BIRC6: variants seen among roughly 807,000 people sequenced by gnomAD.
The protein encoded by BIRC6 is baculoviral IAP repeat containing 6.
BIRC6 carries 98 observed loss-of-function variants against 503.3 expected under a neutral mutation model. That is an observed-to-expected ratio of 0.19 (90% CI 0.17 to 0.23). The LOEUF is 0.23. Among genes scored for constraint, BIRC6 ranks in the 10% least tolerant of loss-of-function variants. The probability of loss-of-function intolerance (pLI) is 1.00; values close to 1 mark genes in which losing one functional copy is unlikely to be tolerated. For missense variants in BIRC6, 5,360 were observed against 5,806.0 expected (o/e 0.92, Z 2.50); for synonymous variants, 2,240 against 2,078.7 (o/e 1.08, Z -2.11).
rs10528992 is a variant in BIRC6 at position 32,508,276 on chromosome 2, C to CTTTTTTTTTTTTTTTTTTTTTT, written c.9980+23_9980+44dup. 18 of 864,880 alleles carry CTTTTTTTTTTTTTTTTTTTTTT rather than the reference C, an allele frequency of 2.1e-5. No homozygotes were observed. The African/African-American group carries it at 4.6e-4, about 22-fold the overall frequency. The allele number at this position is 864,880 out of a possible 1,614,324, so 53.6% of individuals were successfully genotyped here. A position where few individuals can be genotyped will look rare whatever the true frequency, so the allele number is the denominator to read the frequency against. On this transcript the variant is annotated intron_variant, in intron 51 of 73. Coordinates refer to ENST00000421745, the MANE Select transcript of BIRC6 (RefSeq NM_016252.4). The stretch of plus-strand genomic sequence containing the variant: ...CAAAACAAGGTATGTTTTGTTTGTC[C>CTTTTTTTTTTTTTTTTTTTTTT]TTTTTTTTTTTTTTTTTTTTTTTTT...
At chr2:32,460,183 T>C (rs1017746575) in intron 23 of BIRC6, among the ~76,000 whole-genome samples, 4 of 141,678 alleles carry the variant, frequency 2.8e-5, no homozygotes, top group African/African-American at 1.0e-4. Context: ...GATATATATA[T>C]CTCATATGTG....
chr2:32,359,283 A>C (rs1452030747), intron 1 of BIRC6, among the ~76,000 whole-genome samples: 1 of 152,178 alleles, frequency 6.6e-6, no homozygotes, highest in East Asian at 1.9e-4. Flanking sequence ...AAAAGTATTC[A>C]AGTGTTTTGG....
intron 55 of BIRC6, among the ~76,000 whole-genome samples, chr2:32,516,628 A>G (rs545613962): frequency 8.2e-4 from 125 of 151,570 alleles, no homozygotes; most frequent in Middle Eastern, 3.4e-3. Flanking sequence ...TTTATCATAT[A>G]TTATGATTAT....
rs535834127 is a variant in BIRC6, at chr2:32,486,632, G to A, written c.7813+873G>A. On this transcript the variant is annotated intron_variant, in intron 40 of 73. Transcript: ENST00000421745. ...AGGGGTAGAGATAGTAGGTAGAACC[G>A]AATAAAATTACAGATGCTTCTCTTA... Among the ~76,000 whole-genome samples the A allele has an allele frequency of 1.2e-4, 19 of 152,238 alleles. 1 individual carries two copies. Among genetic ancestry groups the A allele is most frequent in the South Asian group, 1.0e-3 (5 of 4,826 alleles).
intron 60 of BIRC6, among the ~76,000 whole-genome samples, chr2:32,530,101 G>C (rs928156505): frequency 6.6e-6 from 1 of 152,168 alleles, no homozygotes. Flanking sequence ...TAATAAAAGT[G>C]AGAAACTCAA....
chr2:32,493,416 T>G, intron 44 of BIRC6, 124 bp from the exon 45 acceptor site: 1 of 837,990 alleles, frequency 1.2e-6, no homozygotes, highest in Non-Finnish European at 1.8e-6. Context: ...GTTAATACTT[T>G]TGTTTTCCTC....
chr2:32,418,830 C>A (rs2042643808), intron 10 of BIRC6, among the ~76,000 whole-genome samples: 1 of 152,128 alleles, frequency 6.6e-6, no homozygotes, highest in Non-Finnish European at 1.5e-5. Context: ...TACCTGTAAT[C>A]CCAGCTACTT....
intron 73 of BIRC6, among the ~76,000 whole-genome samples, chr2:32,612,972 C>T (rs143427207): frequency 0.01 from 1,595 of 152,234 alleles, 16 homozygotes; most frequent in South Asian, 0.027. Context: ...ACTAATCAAC[C>T]TTATGCAGTT....
chr2:32,438,529 A>G (rs1042628996), intron 15 of BIRC6, among the ~76,000 whole-genome samples: 1 of 151,558 alleles, frequency 6.6e-6, no homozygotes, highest in African/African-American at 2.4e-5. Context: ...TTAATATCAC[A>G]TACTAGTGAT....
intron 35 of BIRC6, 74 bp from the exon 36 acceptor site, chr2:32,478,561 G>T: frequency 7.5e-7 from 1 of 1,336,208 alleles, no homozygotes; most frequent in Non-Finnish European, 1.0e-6. Context: ...CTAAAGTATT[G>T]GTAGACTTCT....
intron 72 of BIRC6, among the ~76,000 whole-genome samples, chr2:32,610,266 G>A (rs2062775056): frequency 6.6e-6 from 1 of 152,158 alleles, no homozygotes; most frequent in Non-Finnish European, 1.5e-5. Flanking sequence ...AGAATACAGA[G>A]CAATGTTTCC....
At position 32,435,399 on chromosome 2, in the gene BIRC6, A is replaced by C. The variant is rs2044587216; in HGVS notation, c.3410-97A>C. On this transcript the variant is annotated intron_variant, in intron 13 of 73. Transcript: ENST00000421745. ...ACAGGAAATTTTAGATTTTTCAGGC[A>C]CATAAATCATTGATATTAAAGAAAA... 20 of 1,285,920 alleles carry C rather than the reference A, an allele frequency of 1.6e-5. No individual in the cohort carries two copies. The South Asian group carries it at 4.3e-4, about 28-fold the overall frequency. The allele number at this position is 1,285,920 out of a possible 1,614,324, so 79.7% of individuals were successfully genotyped here. A position where few individuals can be genotyped will look rare whatever the true frequency, so the allele number is the denominator to read the frequency against.
chr2:32,479,184 GGTT>G (rs2050103886), intron 36 of BIRC6, among the ~76,000 whole-genome samples: 1 of 152,054 alleles, frequency 6.6e-6, no homozygotes, highest in Admixed American at 6.5e-5. Context: ...CTTTGTATAA[GGTT>G]GTTTTTATGA....
chr2:32,574,180 G>A (rs994698795), intron 65 of BIRC6, among the ~76,000 whole-genome samples: 6 of 58,044 alleles, frequency 1.0e-4, no homozygotes, highest in African/African-American at 3.9e-4. Flanking sequence ...TTTTTTTTTT[G>A]AGGCGGGATT....
chr2:32,358,774 G>T (rs1399855114), intron 1 of BIRC6, among the ~76,000 whole-genome samples: 1 of 152,200 alleles, frequency 6.6e-6, no homozygotes, highest in African/African-American at 2.4e-5. Context: ...TATAGTTTCA[G>T]GATATAAACT....
intron 55 of BIRC6, among the ~76,000 whole-genome samples, chr2:32,516,305 G>A (rs957202528): frequency 2.2e-4 from 34 of 151,982 alleles, no homozygotes; most frequent in Middle Eastern, 3.4e-3. Context: ...CCTGAGGTCA[G>A]GAGTTCAAGA....
chr2:32,484,954 C>T (rs2050830241), intron 39 of BIRC6, among the ~76,000 whole-genome samples: 1 of 152,182 alleles, frequency 6.6e-6, no homozygotes. Flanking sequence ...TAGGATCCCC[C>T]TTGAGATTTT....
At chr2:32,412,337 A>G (rs2149960047) in intron 9 of BIRC6, among the ~76,000 whole-genome samples, 1 of 152,176 alleles carries the variant, frequency 6.6e-6, no homozygotes, top group Non-Finnish European at 1.5e-5. Context: ...TCTCTACTAA[A>G]AATACAAAAA....
In BIRC6 at chr2:32,586,251, A is replaced by T. The variant is rs192245265; in HGVS notation, c.13356-7664A>T. Among the ~76,000 whole-genome samples the T allele has an allele frequency of 6.4e-3, 897 of 141,160 alleles. 9 individuals carry two copies. Among genetic ancestry groups the T allele is most frequent in the African/African-American group, 0.023 (866 of 37,810 alleles). 92.6% of individuals were successfully genotyped at this position (141,160 alleles called of 152,430 possible). Reference sequence around the variant, plus strand: ...ACTTACTCTGTTACTTAAGTGATTTAAAAAAAAAAACAACTTAAAAAAAAA... The same window carrying T: ...ACTTACTCTGTTACTTAAGTGATTTTAAAAAAAAAACAACTTAAAAAAAAA... On this transcript the variant is annotated intron_variant, in intron 66 of 73. Coordinates refer to ENST00000421745, the MANE Select transcript of BIRC6 (RefSeq NM_016252.4).
Sources: allele counts gnomAD v4.1 joint callset (sites outside exome capture counted in the v4.1 genomes callset), GRCh38; gene constraint gnomAD v4.1.1; transcripts MANE v1.5; gene names NCBI Gene and HGNC (gene_info 2026-07-23, HGNC 2026-07-21).